Variants in MINDY4 observed in about 807,000 individuals in gnomAD.
MINDY4 encodes the protein probable ubiquitin carboxyl-terminal hydrolase MINDY-4.
In MINDY4, 68 loss-of-function variants were observed where a neutral mutation model predicts 87.0. That is an observed-to-expected ratio of 0.78 (90% CI 0.64 to 0.96). The LOEUF (loss-of-function observed/expected upper bound fraction) is 0.96. Ranked by LOEUF, MINDY4 falls within the 40% of genes least tolerant of loss-of-function variation. MINDY4 has a pLI of 0.00. For missense variants in MINDY4, 919 were observed against 928.2 expected, an observed-to-expected ratio of 0.99 and a Z score of 0.13; for synonymous variants, 379 against 363.2, an observed-to-expected ratio of 1.04 and a Z score of -0.50.
chr7:30,856,513 A>G (rs1304688150), intron 12 of MINDY4, among the ~76,000 whole-genome samples: 1 of 151,790 alleles, frequency 6.6e-6, no homozygotes, highest in African/African-American at 2.4e-5. Flanking sequence ...CCAAATTTAC[A>G]CAGAGTTGGG....
At chr7:30,809,376 GA>G (rs57725704) in intron 5 of MINDY4, among the ~76,000 whole-genome samples, 35,837 of 86,782 alleles carry the variant, frequency 0.41, 4,681 homozygotes, top group Non-Finnish European at 0.45. Context: ...GTATCCTAAG[GA>G]AAAAAAAAAA....
chr7:30,797,701 C>T (rs1787531813), intron 5 of MINDY4, among the ~76,000 whole-genome samples: 1 of 152,176 alleles, frequency 6.6e-6, no homozygotes, highest in Non-Finnish European at 1.5e-5. Flanking sequence ...CGAGCAGAGA[C>T]ATGCTGTGAT....
intron 9 of MINDY4, among the ~76,000 whole-genome samples, chr7:30,843,349 G>A (rs1018495645): frequency 2.2e-4 from 33 of 152,188 alleles, no homozygotes; most frequent in Non-Finnish European, 4.0e-4. Flanking sequence ...GTAGTGGCAG[G>A]TCAGCGCCAG....
chr7:30,790,090 G>A (rs1326841201), intron 4 of MINDY4, among the ~76,000 whole-genome samples: 1 of 152,194 alleles, frequency 6.6e-6, no homozygotes, highest in Non-Finnish European at 1.5e-5. Flanking sequence ...TTTGCTGACT[G>A]CTGCAATACG....
At chr7:30,801,358 C>T (rs1787644434) in intron 5 of MINDY4, among the ~76,000 whole-genome samples, 1 of 152,206 alleles carries the variant, frequency 6.6e-6, no homozygotes, top group African/African-American at 2.4e-5. Context: ...TATTTCCTTT[C>T]CAGCATGCCG....
chr7:30,874,423 A>T (rs1454497147), intron 14 of MINDY4, among the ~76,000 whole-genome samples: 1 of 152,216 alleles, frequency 6.6e-6, no homozygotes, highest in African/African-American at 2.4e-5. Context: ...CCCACCTGTG[A>T]GCCCCAGTTT....
chr7:30,827,342 A>G (rs1788544022), intron 5 of MINDY4, among the ~76,000 whole-genome samples: 1 of 152,144 alleles, frequency 6.6e-6, no homozygotes, highest in Non-Finnish European at 1.5e-5. Context: ...GCAGGGTAGA[A>G]CCGAGGTCCT....
chr7:30,792,430 G>C (rs1365257167), intron 5 of MINDY4, among the ~76,000 whole-genome samples: 1 of 152,198 alleles, frequency 6.6e-6, no homozygotes, highest in African/African-American at 2.4e-5. Context: ...CCCTTGAAGA[G>C]TGAGTGTAAG....
chr7:30,880,813 T>C (rs1790443895), intron 15 of MINDY4, among the ~76,000 whole-genome samples: 1 of 152,118 alleles, frequency 6.6e-6, no homozygotes, highest in Non-Finnish European at 1.5e-5. Context: ...GAGGGGACAC[T>C]TGAACCGTAA....
intron 9 of MINDY4, among the ~76,000 whole-genome samples, chr7:30,848,904 A>G (rs1296192406): frequency 1.3e-5 from 2 of 152,224 alleles, no homozygotes; most frequent in African/African-American, 4.8e-5. Context: ...TAATGGTTTC[A>G]TAAAGACAAT....
chr7:30,811,643 C>T (rs990714693), intron 5 of MINDY4, among the ~76,000 whole-genome samples: 2 of 152,184 alleles, frequency 1.3e-5, no homozygotes, highest in Admixed American at 6.5e-5. Context: ...CACCCTGGCT[C>T]TGGTAGTTAA....
chr7:30,842,369 C>G, intron 9 of MINDY4, among the ~76,000 whole-genome samples: 1 of 152,342 alleles, frequency 6.6e-6, no homozygotes, highest in Middle Eastern at 3.4e-3. Context: ...GAGACCCTGC[C>G]ATCAGCTCTC....
chr7:30,802,465 T>C (rs1291925882), intron 5 of MINDY4, among the ~76,000 whole-genome samples: 1 of 152,148 alleles, frequency 6.6e-6, no homozygotes, highest in East Asian at 1.9e-4. Flanking sequence ...AACAATGATT[T>C]GATAACTCAT....
chr7:30,786,079 C>T, intron 4 of MINDY4, 87 bp downstream of exon 4: 1 of 1,534,310 alleles, frequency 6.5e-7, no homozygotes, highest in Admixed American at 1.9e-5. Flanking sequence ...ATTTGGGGTA[C>T]CCCACAGGGC....
chr7:30,882,149 G>A (rs1408468429), intron 15 of MINDY4, 32 bp from the exon 16 acceptor site: 20 of 1,569,176 alleles, frequency 1.3e-5, no homozygotes, highest in Non-Finnish European at 1.6e-5. Context: ...CCCTGGGGAC[G>A]GCATTTCACA....
intron 14 of MINDY4, 148 bp downstream of exon 14, chr7:30,872,454 C>T: frequency 1.4e-6 from 1 of 694,592 alleles, no homozygotes; most frequent in East Asian, 2.7e-5. Flanking sequence ...ACGTGCCCAC[C>T]TCTGCTGGGT....
At chr7:30,820,950 A>C (rs1788311759) in intron 5 of MINDY4, among the ~76,000 whole-genome samples, 1 of 152,176 alleles carries the variant, frequency 6.6e-6, no homozygotes, top group Admixed American at 6.5e-5. Flanking sequence ...GAATTAACTG[A>C]AATGTATTTT....
intron 5 of MINDY4, among the ~76,000 whole-genome samples, chr7:30,800,700 G>C (rs536083512): frequency 3.3e-5 from 5 of 152,236 alleles, no homozygotes; most frequent in Non-Finnish European, 7.3e-5. Flanking sequence ...TAACATTGGA[G>C]AAGGAATGGC....
chr7:30,875,424 C>A, intron 14 of MINDY4, 71 bp from the exon 15 acceptor site: 1 of 1,548,956 alleles, frequency 6.5e-7, no homozygotes, highest in Non-Finnish European at 8.9e-7. Flanking sequence ...TTGTCTTTCC[C>A]CAGTCTCCTC....
Sources: gnomAD v4.1 joint callset for allele counts (sites outside exome capture counted in the v4.1 genomes callset) on GRCh38, gnomAD v4.1.1 for gene constraint, MANE v1.5 for transcripts, NCBI Gene and HGNC (gene_info 2026-07-23, HGNC 2026-07-21) for gene names.